Variants in FSTL5 observed in about 807,000 individuals in gnomAD.
FSTL5 encodes the protein follistatin-related protein 5.
A neutral mutation model predicts 89.1 loss-of-function variants in FSTL5; 62 were observed. That is an observed-to-expected ratio of 0.70 (90% CI 0.57 to 0.86). The LOEUF is 0.86. FSTL5 is among the 40% of genes least tolerant of loss of function. The probability of loss-of-function intolerance (pLI) is 0.00; values close to 1 mark genes in which losing one functional copy is unlikely to be tolerated. For missense variants in FSTL5, 1,057 were observed against 1,001.6 expected, an observed-to-expected ratio of 1.06 and a Z score of -0.75; for synonymous variants, 383 against 346.2, an observed-to-expected ratio of 1.11 and a Z score of -1.18.
At chr4:161,518,151 C>A (rs1233327414) in intron 10 of FSTL5, among the ~76,000 whole-genome samples, 2 of 152,210 alleles carry the variant, frequency 1.3e-5, no homozygotes, top group Non-Finnish European at 2.9e-5. Context: ...CCTCCTGTGA[C>A]CACACAGGGT....
intron 15 of FSTL5, among the ~76,000 whole-genome samples, chr4:161,390,720 A>G (rs892259039): frequency 1.3e-5 from 2 of 152,064 alleles, no homozygotes; most frequent in Non-Finnish European, 2.9e-5. Flanking sequence ...ATGTCCTCAT[A>G]TGGTCCCAGA....
intron 8 of FSTL5, among the ~76,000 whole-genome samples, chr4:161,561,506 T>G (rs748695525): frequency 6.6e-6 from 1 of 151,870 alleles, no homozygotes; most frequent in Non-Finnish European, 1.5e-5. Flanking sequence ...TTTGGTTTGG[T>G]GAAAATGTTA....
At chr4:161,647,516 C>T (rs868251011) in intron 7 of FSTL5, among the ~76,000 whole-genome samples, 4 of 135,036 alleles carry the variant, frequency 3.0e-5, no homozygotes, top group African/African-American at 8.7e-5. Flanking sequence ...GCTTTTATTT[C>T]GTTTAAAAAA....
intron 6 of FSTL5, among the ~76,000 whole-genome samples, chr4:161,732,803 C>T (rs1037867934): frequency 7.9e-5 from 12 of 151,162 alleles, no homozygotes; most frequent in Admixed American, 2.0e-4. Flanking sequence ...AATCAACTGA[C>T]GTTATCTGCT....
At chr4:161,455,609 T>C (rs12650551) in intron 14 of FSTL5, among the ~76,000 whole-genome samples, 25,025 of 152,148 alleles carry the variant, frequency 0.16, 2,432 homozygotes, top group South Asian at 0.28. Flanking sequence ...TTTCCTCCTA[T>C]CATTGAAAAA....
At chr4:161,398,241 G>A (rs1420506207) in intron 15 of FSTL5, among the ~76,000 whole-genome samples, 1 of 152,054 alleles carries the variant, frequency 6.6e-6, no homozygotes, top group Admixed American at 6.6e-5. Context: ...ACAAGAAAAT[G>A]TAGAAATATT....
At chr4:161,635,437 A>G (rs1406774075) in intron 7 of FSTL5, among the ~76,000 whole-genome samples, 1 of 152,096 alleles carries the variant, frequency 6.6e-6, no homozygotes, top group Admixed American at 6.6e-5. Flanking sequence ...CAAAATGTCA[A>G]TTCACTGAAA....
intron 7 of FSTL5, among the ~76,000 whole-genome samples, chr4:161,648,465 G>C (rs1736228454): frequency 6.6e-6 from 1 of 152,140 alleles, no homozygotes; most frequent in South Asian, 2.1e-4. Flanking sequence ...TAAGAGGACA[G>C]AAATTATGTT....
intron 15 of FSTL5, among the ~76,000 whole-genome samples, chr4:161,416,361 T>C (rs1157721092): frequency 6.6e-6 from 1 of 152,218 alleles, no homozygotes; most frequent in African/African-American, 2.4e-5. Flanking sequence ...AGTCATAATA[T>C]ATCTTTCACA....
At chr4:161,553,998 C>A (rs1487129695) in intron 8 of FSTL5, among the ~76,000 whole-genome samples, 1 of 151,462 alleles carries the variant, frequency 6.6e-6, no homozygotes, top group Non-Finnish European at 1.5e-5. Flanking sequence ...ACTATATACA[C>A]ATGACCAATT....
chr4:161,576,163 TAA>T (rs1733200346), intron 8 of FSTL5, among the ~76,000 whole-genome samples: 1 of 151,882 alleles, frequency 6.6e-6, no homozygotes, highest in African/African-American at 2.4e-5. Context: ...CTCAAGGAAA[TAA>T]GAGAGGACAC....
intron 4 of FSTL5, among the ~76,000 whole-genome samples, chr4:161,887,073 T>C (rs200773241): frequency 6.6e-6 from 1 of 152,168 alleles, no homozygotes; most frequent in East Asian, 1.9e-4. Flanking sequence ...AGAATGTCTG[T>C]GTAACAAATT....
At chr4:161,926,470 TCCAGGTAATTTGCA>T (rs1336685336) in intron 3 of FSTL5, among the ~76,000 whole-genome samples, 18 of 150,486 alleles carry the variant, frequency 1.2e-4, no homozygotes, top group African/African-American at 4.4e-4. Context: ...AAGCCAGAGA[TCCAGGTAATTTGCA>T]CCCATCCAAA....
chr4:161,980,267 AAGAAAGAAAGAAAGAAAGAAAG>A (rs907199978), intron 3 of FSTL5, among the ~76,000 whole-genome samples: 4 of 85,910 alleles, frequency 4.7e-5, no homozygotes, highest in Admixed American at 1.1e-4. Context: ...AGAAAAAAGA[AAGAAAGAAAGAAAGAAAGAAAG>A]AGAAAGAAAG....
intron 15 of FSTL5, among the ~76,000 whole-genome samples, chr4:161,396,075 G>A (rs1209075438): frequency 2.0e-5 from 3 of 151,436 alleles, no homozygotes; most frequent in Non-Finnish European, 4.4e-5. Flanking sequence ...CCCTCTTAGA[G>A]TACTGCAGTC....
chr4:161,467,394 A>C (rs1461136774), intron 13 of FSTL5, among the ~76,000 whole-genome samples: 2 of 152,146 alleles, frequency 1.3e-5, no homozygotes, highest in Non-Finnish European at 2.9e-5. Flanking sequence ...CTTAGTTGAC[A>C]AAAGTGGTCA....
chr4:161,663,714 C>T (rs1351624906), intron 6 of FSTL5, among the ~76,000 whole-genome samples: 1 of 152,226 alleles, frequency 6.6e-6, no homozygotes, highest in Non-Finnish European at 1.5e-5. Flanking sequence ...CTTCCTACAG[C>T]TCCACTAGGC....
intron 3 of FSTL5, among the ~76,000 whole-genome samples, chr4:162,016,413 C>T (rs571992174): frequency 6.6e-6 from 1 of 152,280 alleles, no homozygotes; most frequent in Admixed American, 6.5e-5. Context: ...ATCACATCAA[C>T]CCTATGGAAA....
At chr4:161,412,373 A>G (rs1731621437) in intron 15 of FSTL5, among the ~76,000 whole-genome samples, 1 of 152,040 alleles carries the variant, frequency 6.6e-6, no homozygotes, top group African/African-American at 2.4e-5. Context: ...AAGAGCCCAA[A>G]CAGCCAAAGC....
Sources: gnomAD v4.1 joint callset for allele counts (sites outside exome capture counted in the v4.1 genomes callset) on GRCh38, gnomAD v4.1.1 for gene constraint, MANE v1.5 for transcripts, NCBI Gene and HGNC (gene_info 2026-07-23, HGNC 2026-07-21) for gene names.